SLC19A1: variants seen among roughly 807,000 people sequenced by gnomAD.
SLC19A1 encodes the protein solute carrier family 19 member 1, also known as reduced folate transporter.
In SLC19A1, 37 loss-of-function variants were observed where a neutral mutation model predicts 35.3. That is an observed-to-expected ratio of 1.05 (90% CI 0.81 to 1.38). The LOEUF (loss-of-function observed/expected upper bound fraction) is 1.38, where lower values mean the gene tolerates loss of function less well. Among genes scored for constraint, SLC19A1 ranks in the 40% most tolerant of loss-of-function variants. The pLI is 0.00. For missense variants in SLC19A1, 831 were observed against 826.9 expected (o/e 1.00, Z -0.06); for synonymous variants, 460 against 398.5 (o/e 1.15, Z -1.84).
rs2078576207 is a variant in SLC19A1, at chr21:45,557,662, T to C, written c.-50+5080A>G. On this transcript the variant is annotated intron_variant, in intron 1 of 5. Transcript: ENST00000650808. Reference sequence around the variant, plus strand: ...GCCCTGAATTGAGCAGAAGGGATGCTCTGAGGCTCCCGGGGAGCCTCAACC... The same window carrying C: ...GCCCTGAATTGAGCAGAAGGGATGCCCTGAGGCTCCCGGGGAGCCTCAACC... Among the ~76,000 whole-genome samples, 3 of 152,106 alleles carry C rather than the reference T, an allele frequency of 2.0e-5. No homozygotes were observed. The South Asian group carries it at 6.2e-4, about 32-fold the overall frequency.
chr21:45,521,136 A>C (rs79382493), intron 5 of SLC19A1, among the ~76,000 whole-genome samples: 2,248 of 152,332 alleles, frequency 0.015, 62 homozygotes, highest in African/African-American at 0.052. Flanking sequence ...GAGAGGCATC[A>C]GGAGAAACCA....
At position 45,535,030 on chromosome 21, in the gene SLC19A1, A is replaced by AAGGC. The variant is rs1298538985; in HGVS notation, c.189+2737_189+2740dup. On this transcript the variant is annotated intron_variant, in intron 2 of 5. Coordinates refer to ENST00000311124, the MANE Select transcript of SLC19A1 (RefSeq NM_194255.4). ...GAGGCGGGAAGGTGGGCAAGGCCCG[A>AAGGC]AGGCAGGCAGGACGCGAGGGCAGGG... Among the ~76,000 whole-genome samples the AAGGC allele has an allele frequency of 3.9e-5, 6 of 152,370 alleles. No homozygotes were observed. The South Asian group carries it at 6.2e-4, about 16-fold the overall frequency.
upstream of SLC19A1, among the ~76,000 whole-genome samples, chr21:45,543,002 C>A (rs1046844929): frequency 6.6e-6 from 1 of 151,398 alleles, no homozygotes; most frequent in Non-Finnish European, 1.5e-5. Flanking sequence ...GCCCCGAACT[C>A]GGCGCCCCCG....
In SLC19A1 at chr21:45,516,125, C is replaced by T. The variant is rs745527688; in HGVS notation, c.1309G>A (p.Val437Met). The change falls in exon 6 of 6, where the codon GTG becomes ATG. Residue 437 changes from valine to methionine, a missense_variant. By Grantham distance (21) the Val-to-Met change is conservative. Transcript: ENST00000311124. ...PVRKQFQLYS[V>M]YFLILSIIYF... ...ATGATGGACAGGATCAGGAAGTACA[C>T]GGAGTATAACTGGAACTGGAAAGAG... The T allele has an allele frequency of 1.4e-4, 228 of 1,606,870 alleles. No individual in the cohort carries two copies. The highest frequency in any genetic ancestry group is 1.7e-4 in the Non-Finnish European group (200 of 1,177,054).
intron 4 of SLC19A1, among the ~76,000 whole-genome samples, chr21:45,526,654 C>T (rs950636764): frequency 1.3e-5 from 2 of 152,226 alleles, no homozygotes; most frequent in African/African-American, 4.8e-5. Context: ...TCACTGCAAC[C>T]TCTGCCTCCT....
At chr21:45,559,711 A>G (rs760211214) in intron 1 of SLC19A1, among the ~76,000 whole-genome samples, 34 of 152,290 alleles carry the variant, frequency 2.2e-4, no homozygotes, top group Non-Finnish European at 4.0e-4. Context: ...ACATCAGCAC[A>G]CGCAGAGCTT....
intron 3 of SLC19A1, chr21:45,504,982 G>T: frequency 1.0e-6 from 1 of 961,628 alleles, no homozygotes; most frequent in African/African-American, 1.6e-5. Flanking sequence ...TGGTGTGGGG[G>T]TTTCTCAGGC....
In SLC19A1 at chr21:45,530,780, G is replaced by A; in HGVS notation, c.1141C>T (p.Pro381Ser). The stretch of plus-strand genomic sequence containing the variant: ...CCTTCTGGAACTCACGTGGCGATGG[G>A]CACGAGGAACTGGTAGGAGCCGCGG... ...LFRGSYQFLVPIATFQIASSL... is the reference protein window; with the variant it reads ...LFRGSYQFLVSIATFQIASSL... The change falls in exon 4 of 6, where the codon CCC (proline) becomes TCC (serine). Residue 381 changes from proline to serine, a missense_variant. Transcript: ENST00000311124. The surrounding 1 kb of genome is among the most constrained non-coding windows in gnomAD (Gnocchi z 5.3). 1 of 1,560,812 alleles carries A rather than the reference G, an allele frequency of 6.4e-7. No homozygotes were observed. The highest frequency in any genetic ancestry group is 8.7e-7 in the Non-Finnish European group (1 of 1,152,600).
intron 1 of SLC19A1, among the ~76,000 whole-genome samples, chr21:45,539,079 A>G (rs2078224761): frequency 6.6e-6 from 1 of 152,208 alleles, no homozygotes; most frequent in Non-Finnish European, 1.5e-5. Flanking sequence ...TCATGTCTCC[A>G]GGTGCCACGT....
intron 3 of SLC19A1, among the ~76,000 whole-genome samples, chr21:45,504,966 G>A (rs2037103095): frequency 6.6e-6 from 1 of 152,082 alleles, no homozygotes; most frequent in Admixed American, 6.5e-5. Flanking sequence ...AGGGAAGAAG[G>A]GGTGATGGTG....
chr21:45,537,096 G>A (rs1391242649), intron 2 of SLC19A1, among the ~76,000 whole-genome samples: 2 of 152,186 alleles, frequency 1.3e-5, no homozygotes, highest in Non-Finnish European at 2.9e-5. Flanking sequence ...CTAAGTCTCT[G>A]TGGAAGGCAG....
At chr21:45,547,618 G>A (rs1468018608), upstream of SLC19A1, among the ~76,000 whole-genome samples, 2 of 152,108 alleles carry the variant, frequency 1.3e-5, no homozygotes, top group South Asian at 2.1e-4. Flanking sequence ...TGCCAATCCC[G>A]ACATGTTTAG....
rs973627253 is a variant in SLC19A1 at position 45,516,006 on chromosome 21, C to T, written c.1428G>A (p.Ala476=). ...TCAGTGCCTGTGCTGCCTTCTCCTC[C>T]GCGGCACTCCTCAGGCCCTGGGCCG... The part of the protein sequence containing the change: ...QPPAQGLRSA[A]EEKAAQALSV... Residue 476 remains alanine, a synonymous_variant, in exon 6 of 6, where the codon GCG becomes GCA. Coordinates refer to ENST00000311124, the MANE Select transcript of SLC19A1 (RefSeq NM_194255.4). The T allele has an allele frequency of 1.8e-5, 28 of 1,570,484 alleles. No homozygotes were observed. Among genetic ancestry groups the T allele is most frequent in the African/African-American group, 8.1e-5 (6 of 74,304 alleles).
chr21:45,507,730 G>A (rs2037308134), downstream of SLC19A1: 3 of 823,892 alleles, frequency 3.6e-6, no homozygotes, highest in South Asian at 2.9e-5. Context: ...AGCCCCTGCT[G>A]CAGAAACTGG....
At position 45,522,599 on chromosome 21, in the gene SLC19A1, C is replaced by T. The variant is rs193092446; in HGVS notation, c.1293+3218G>A. 1.2e-3 allele frequency among the ~76,000 whole-genome samples: 179 copies of T among 152,256 alleles called. 1 individual carries two copies. The highest frequency in any genetic ancestry group is 1.8e-3 in the Non-Finnish European group (123 of 68,030). ...CTCACACTGGAAACAAGTCTTTCAA[C>T]GGTGAATAAATAAAGTGTGCTGTAC... On this transcript the variant is annotated intron_variant, in intron 5 of 5. Transcript: ENST00000311124.
chr21:45,509,900 G>A (rs1007084073), downstream of SLC19A1, among the ~76,000 whole-genome samples: 1 of 152,208 alleles, frequency 6.6e-6, no homozygotes, highest in Non-Finnish European at 1.5e-5. Flanking sequence ...GGCAGCGTAT[G>A]GGGGCTGCTG....
upstream of SLC19A1, among the ~76,000 whole-genome samples, chr21:45,543,467 G>T (rs2078371666): frequency 6.6e-6 from 1 of 152,242 alleles, no homozygotes; most frequent in African/African-American, 2.4e-5. Context: ...GTCTGGGGCA[G>T]CAGCCCCTGG....
intron 2 of SLC19A1, among the ~76,000 whole-genome samples, chr21:45,532,791 G>A (rs925916743): frequency 2.0e-5 from 3 of 152,278 alleles, no homozygotes; most frequent in Non-Finnish European, 4.4e-5. Context: ...TAAACAATAT[G>A]GAAAACACAG....
rs1272771488 is a variant in SLC19A1 at position 45,540,096 on chromosome 21, G to T, written c.-49-2088C>A. Reference sequence around the variant, plus strand: ...CTCAGGGCCTGTCAACAGCTGGGAAGATCAGTGCACAAAGGTTGGGCTCCA... The same window carrying T: ...CTCAGGGCCTGTCAACAGCTGGGAATATCAGTGCACAAAGGTTGGGCTCCA... On this transcript the variant is annotated intron_variant, in intron 1 of 5. Coordinates refer to ENST00000311124, the MANE Select transcript of SLC19A1 (RefSeq NM_194255.4). The surrounding 1 kb of genome is among the most constrained non-coding windows in gnomAD (Gnocchi z 5.5). Among the ~76,000 whole-genome samples, 1 of 152,132 alleles carries T rather than the reference G, an allele frequency of 6.6e-6. No individual in the cohort carries two copies. The highest frequency in any genetic ancestry group is 1.5e-5 in the Non-Finnish European group (1 of 68,000).
Sources: gnomAD v4.1 joint callset for allele counts (sites outside exome capture counted in the v4.1 genomes callset) on GRCh38, gnomAD v4.1.1 for gene constraint, Gnocchi (gnomAD v3.1) non-coding constraint, MANE v1.5 for transcripts, NCBI Gene and HGNC (gene_info 2026-07-23, HGNC 2026-07-21) for gene names.